MTOR: variants seen among roughly 807,000 people sequenced by gnomAD.
The protein encoded by MTOR is serine/threonine-protein kinase mTOR.
MTOR carries 70 observed loss-of-function variants against 319.8 expected under a neutral mutation model. The observed-to-expected ratio is 0.22, with a 90% CI of 0.18 to 0.27. The LOEUF (loss-of-function observed/expected upper bound fraction) is 0.27. MTOR is among the 10% of genes least tolerant of loss of function. The pLI is 1.00. For synonymous variants in MTOR, 1,183 were observed against 1,211.4 expected, an observed-to-expected ratio of 0.98 and a Z score of 0.49; for missense variants, 1,890 against 3,274.4, an observed-to-expected ratio of 0.58 and a Z score of 10.32.
chr1:11,136,844 A>ATT (rs113225104), intron 36 of MTOR, among the ~76,000 whole-genome samples: 2 of 129,596 alleles, frequency 1.5e-5, no homozygotes, highest in East Asian at 2.3e-4. Flanking sequence ...CTTAAATCTG[A>ATT]TTTTTTTTTT....
chr1:11,139,001 C>A (rs1489983656), intron 36 of MTOR: 2 of 313,962 alleles, frequency 6.4e-6, no homozygotes, highest in South Asian at 1.6e-4. Flanking sequence ...TTGTACCAAA[C>A]AGTCCATCTT....
intron 19 of MTOR, among the ~76,000 whole-genome samples, chr1:11,227,793 T>C (rs1646894070): frequency 6.6e-6 from 1 of 151,862 alleles, no homozygotes; most frequent in African/African-American, 2.4e-5. Context: ...TCAACTCAAG[T>C]GAGGATTATC....
chr1:11,144,417 A>T, intron 34 of MTOR: 1 of 471,010 alleles, frequency 2.1e-6, no homozygotes, highest in East Asian at 3.1e-5. Flanking sequence ...CATTTTTTTT[A>T]ATTCCTAGAG....
Position 11,177,386 on chromosome 1 carries a change from C to T in MTOR, c.4254-9869G>A, listed in dbSNP as rs111790857. Among the ~76,000 whole-genome samples, 366 of 150,794 alleles carry T rather than the reference C, an allele frequency of 2.4e-3. 3 individuals are homozygous for T. Among genetic ancestry groups the T allele is most frequent in the African/African-American group, 8.1e-3 (329 of 40,726 alleles). ...CAGCCTGAGCAACATAGCAAGACTT[C>T]GAATCTACAAAAAATTTAAAAATTA... On this transcript the variant is annotated intron_variant, in intron 28 of 57. Transcript: ENST00000361445.
chr1:11,251,738 C>T (rs545202951), intron 6 of MTOR, among the ~76,000 whole-genome samples: 72 of 150,398 alleles, frequency 4.8e-4, no homozygotes, highest in Non-Finnish European at 8.8e-4. Flanking sequence ...ACTCCCACCT[C>T]GGTCTCCCAG....
chr1:11,160,961 G>A (rs1432582005), intron 29 of MTOR, among the ~76,000 whole-genome samples: 1 of 152,172 alleles, frequency 6.6e-6, no homozygotes, highest in African/African-American at 2.4e-5. Flanking sequence ...GCAGCCCATG[G>A]AATGTAAGCC....
At chr1:11,165,649 C>T (rs1381690241) in intron 29 of MTOR, among the ~76,000 whole-genome samples, 3 of 151,888 alleles carry the variant, frequency 2.0e-5, no homozygotes, top group Non-Finnish European at 2.9e-5. Flanking sequence ...GAATCAATAT[C>T]GTGAAAATGG....
chr1:11,208,722 C>T (rs970350320), intron 25 of MTOR, among the ~76,000 whole-genome samples: 1 of 152,182 alleles, frequency 6.6e-6, no homozygotes, highest in African/African-American at 2.4e-5. Flanking sequence ...TAGCTGATGG[C>T]ATACATGGTG....
intron 5 of MTOR, among the ~76,000 whole-genome samples, chr1:11,254,912 G>A (rs1183299204): frequency 6.6e-6 from 1 of 151,952 alleles, no homozygotes; most frequent in Non-Finnish European, 1.5e-5. Context: ...CCACAGGCGT[G>A]TAACACCAGG....
chr1:11,199,210 G>C lies in MTOR; in HGVS notation c.4253+48C>G, dbSNP rs561075033. On this transcript the variant is annotated intron_variant, in intron 28 of 57. Coordinates refer to ENST00000361445, the MANE Select transcript of MTOR (RefSeq NM_004958.4). This position sits in a 1 kb window ranked among gnomAD's most constrained non-coding sequence, Gnocchi z 4.5. Reference sequence around the variant, plus strand: ...AGTGGCACCAGGCAGTGGGAGAAGAGAGGTCATTTTGCATGAAGGCAGCAA... The same window carrying C: ...AGTGGCACCAGGCAGTGGGAGAAGACAGGTCATTTTGCATGAAGGCAGCAA... 10 of 1,613,162 alleles carry C rather than the reference G, an allele frequency of 6.2e-6. No individual in the cohort carries two copies. In the African/African-American group the frequency reaches 1.1e-4, roughly 17 times the overall value.
At position 11,128,716 on chromosome 1, in the gene MTOR, G is replaced by T; in HGVS notation, c.5811+139C>A. The T allele has an allele frequency of 1.0e-6, 1 of 1,000,646 alleles. No individual in the cohort carries two copies. Among genetic ancestry groups the T allele is most frequent in the Non-Finnish European group, 1.5e-6 (1 of 664,272 alleles). 62.0% of individuals were successfully genotyped at this position (1,000,646 alleles called of 1,614,324 possible). A position where few individuals can be genotyped will look rare whatever the true frequency, so the allele number is the denominator to read the frequency against. On this transcript the variant is annotated intron_variant, in intron 41 of 57. Transcript: ENST00000361445. The surrounding 1 kb of genome is among the most constrained non-coding windows in gnomAD (Gnocchi z 5.3). ...GAAAATAAAGAAAATATGGACACTTGACACTGGGACCGAGCCCTACTTCCT... is the reference window on the plus strand; with the variant it reads ...GAAAATAAAGAAAATATGGACACTTTACACTGGGACCGAGCCCTACTTCCT...
At chr1:11,207,409 C>CTATTT (rs1646169936) in intron 25 of MTOR, among the ~76,000 whole-genome samples, 1 of 114,174 alleles carries the variant, frequency 8.8e-6, no homozygotes, top group Non-Finnish European at 1.7e-5. Flanking sequence ...CCCCCTACCT[C>CTATTT]TTTTTTTTTT....
intron 30 of MTOR, among the ~76,000 whole-genome samples, chr1:11,156,713 G>A (rs1481083464): frequency 6.6e-6 from 1 of 152,136 alleles, no homozygotes; most frequent in Non-Finnish European, 1.5e-5. Flanking sequence ...TTTCCTTGGA[G>A]CCTGGCATAG....
intron 45 of MTOR, 74 bp from the exon 46 acceptor site, chr1:11,126,870 G>T: frequency 6.3e-7 from 1 of 1,581,576 alleles, no homozygotes; most frequent in Non-Finnish European, 8.6e-7. Flanking sequence ...GTATTTTTCA[G>T]TGGATTGCTA....
chr1:11,106,797 A>C lies in MTOR; in HGVS notation c.*688T>G. ...GCAGAAGGCCAGTGAGGGTGGTCCC[A>C]CTGCACAGTGATCCCCTCTGTGCAT... On this transcript the variant is annotated 3_prime_UTR_variant, in exon 58 of 58. Coordinates refer to ENST00000361445, the MANE Select transcript of MTOR (RefSeq NM_004958.4). 8 of 1,273,054 alleles carry C rather than the reference A, an allele frequency of 6.3e-6. No individual in the cohort carries two copies. The highest frequency in any genetic ancestry group is 8.1e-6 in the Non-Finnish European group (8 of 992,146). The allele number at this position is 1,273,054 out of a possible 1,614,324, so 78.9% of individuals were successfully genotyped here. A position where few individuals can be genotyped will look rare whatever the true frequency, so the allele number is the denominator to read the frequency against.
At chr1:11,111,169 C>T (rs17036350) in intron 54 of MTOR, 37,691 of 455,678 alleles carry the variant, frequency 0.083, 2,895 homozygotes, top group African/African-American at 0.2. Flanking sequence ...TCAGATTCCA[C>T]CCATCCAATA....
At position 11,107,406 on chromosome 1, in the gene MTOR, A is replaced by G. The variant is rs1641628818; in HGVS notation, c.*79T>C. 7 of 1,572,560 alleles carry G rather than the reference A, an allele frequency of 4.5e-6. No homozygotes were observed. Among genetic ancestry groups the G allele is most frequent in the Non-Finnish European group, 6.0e-6 (7 of 1,167,532 alleles). On this transcript the variant is annotated 3_prime_UTR_variant, in exon 58 of 58. Coordinates refer to ENST00000361445, the MANE Select transcript of MTOR (RefSeq NM_004958.4). ...TTTAACAAAGTCAAACTTTCTCACCATGGTTTCAGTTTAGTGGAAGCATTT... is the reference window on the plus strand; with the variant it reads ...TTTAACAAAGTCAAACTTTCTCACCGTGGTTTCAGTTTAGTGGAAGCATTT...
rs748381075 is a variant in MTOR, at chr1:11,126,776, T to C, written c.6372A>G (p.Gln2124=). 31 of 1,614,036 alleles carry C rather than the reference T, an allele frequency of 1.9e-5. 1 individual carries two copies. Among genetic ancestry groups the C allele is most frequent in the Non-Finnish European group, 2.3e-5 (27 of 1,180,030 alleles). Residue 2124 remains glutamine, a synonymous_variant, in exon 46 of 58, where the codon CAA becomes CAG. Coordinates refer to ENST00000361445, the MANE Select transcript of MTOR (RefSeq NM_004958.4). ...ACATCAGAAGTTTTGGGGAAACATA[T>C]TGCAGCTCTAAGGATGTGAGCTGTA... is the stretch of plus-strand genomic sequence containing the variant. ...QLPQLTSLEL[Q]YVSPKLLMCR...
At chr1:11,142,789 CA>C in intron 34 of MTOR, among the ~76,000 whole-genome samples, 1 of 152,280 alleles carries the variant, frequency 6.6e-6, no homozygotes, top group East Asian at 1.9e-4. Flanking sequence ...CTGGAGAACC[CA>C]AGGCTAGAAG....
Sources: gnomAD v4.1 joint callset for allele counts (sites outside exome capture counted in the v4.1 genomes callset) on GRCh38, gnomAD v4.1.1 for gene constraint, Gnocchi (gnomAD v3.1) non-coding constraint, MANE v1.5 for transcripts, NCBI Gene and HGNC (gene_info 2026-07-23, HGNC 2026-07-21) for gene names.